Variants in ALG14 observed in about 807,000 individuals in gnomAD.
ALG14 encodes the protein UDP-N-acetylglucosamine transferase subunit ALG14.
A neutral mutation model predicts 22.8 loss-of-function variants in ALG14; 17 were observed. The ratio of observed to expected loss-of-function variants is 0.75; its 90% CI spans 0.51 to 1.12. ALG14 has a LOEUF of 1.12. ALG14 is among the 50% of genes most tolerant of loss of function. ALG14 has a pLI of 0.00. For missense variants in ALG14, 288 were observed against 271.8 expected (o/e 1.06, Z -0.42); for synonymous variants, 89 against 103.7 (o/e 0.86, Z 0.86).
At chr1:95,058,748 CAGA>C (rs1355969231) in intron 2 of ALG14, among the ~76,000 whole-genome samples, 6 of 145,722 alleles carry the variant, frequency 4.1e-5, no homozygotes, top group Admixed American at 2.0e-4. Context: ...AAAATGAAAT[CAGA>C]AGAAGACATG....
At chr1:95,043,376 T>C (rs955892026) in intron 2 of ALG14, among the ~76,000 whole-genome samples, 6 of 152,246 alleles carry the variant, frequency 3.9e-5, no homozygotes, top group Admixed American at 2.6e-4. Context: ...ATCTGGTGGA[T>C]AAAGGCCAGG....
chr1:95,019,902 T>C (rs958273024), intron 3 of ALG14, among the ~76,000 whole-genome samples: 13 of 152,142 alleles, frequency 8.5e-5, no homozygotes, highest in African/African-American at 3.1e-4. Context: ...ACTTCATGTA[T>C]GTTTTACACT....
rs534056536 is a variant in ALG14, at chr1:95,011,629, G to A, written c.420+15500C>T. 3.5e-4 allele frequency among the ~76,000 whole-genome samples: 53 copies of A among 151,814 alleles called. 1 individual carries two copies. The South Asian group carries it at 4.8e-3, about 14-fold the overall frequency. On this transcript the variant is annotated intron_variant, in intron 3 of 3. Coordinates refer to ENST00000370205, the MANE Select transcript of ALG14 (RefSeq NM_144988.4). The stretch of plus-strand genomic sequence containing the variant: ...TTTTTAGTAGAGATGGGGTTTCACC[G>A]TGGCCTCGATCTCCTGACCTTGTGA...
chr1:95,027,291 C>T, intron 2 of ALG14, 31 bp from the exon 3 acceptor site: 1 of 1,609,924 alleles, frequency 6.2e-7, no homozygotes, highest in Non-Finnish European at 8.5e-7. Flanking sequence ...TCCAAATCAA[C>T]TGAGTCACTG....
At chr1:95,005,822 C>T (rs566550415) in intron 3 of ALG14, among the ~76,000 whole-genome samples, 103 of 152,224 alleles carry the variant, frequency 6.8e-4, no homozygotes, top group African/African-American at 2.3e-3. Flanking sequence ...TGGACAGGTG[C>T]CAGGGATATG....
intron 2 of ALG14, among the ~76,000 whole-genome samples, chr1:95,034,880 A>G (rs951328422): frequency 6.6e-6 from 1 of 152,092 alleles, no homozygotes; most frequent in Non-Finnish European, 1.5e-5. Context: ...CTGCCTCTAC[A>G]GGAACTAAGC....
chr1:95,013,494 T>C (rs917014485), intron 3 of ALG14, among the ~76,000 whole-genome samples: 26 of 152,100 alleles, frequency 1.7e-4, no homozygotes, highest in Non-Finnish European at 2.8e-4. Context: ...TAATTTTTTG[T>C]ATTTTTAGTA....
At chr1:95,028,366 C>A (rs899358353) in intron 2 of ALG14, among the ~76,000 whole-genome samples, 2 of 152,174 alleles carry the variant, frequency 1.3e-5, no homozygotes, top group Non-Finnish European at 2.9e-5. Flanking sequence ...CCACCATGTC[C>A]ACCTAATTTT....
At chr1:95,040,695 AT>A (rs751281386) in intron 2 of ALG14, among the ~76,000 whole-genome samples, 30 of 152,032 alleles carry the variant, frequency 2.0e-4, no homozygotes, top group South Asian at 4.2e-4. Flanking sequence ...AAAGGTATAG[AT>A]TTTTTTTTTA....
At chr1:95,044,881 T>TAAAA (rs539634021) in intron 2 of ALG14, among the ~76,000 whole-genome samples, 3,504 of 151,306 alleles carry the variant, frequency 0.023, 49 homozygotes, top group South Asian at 0.076. Context: ...TATTTTTTTT[T>TAAAA]TAAAAAAAGC....
Position 95,001,061 on chromosome 1 carries a change from G to A in ALG14, c.421-17755C>T, listed in dbSNP as rs1477642800. 2.6e-5 allele frequency among the ~76,000 whole-genome samples: 4 copies of A among 152,220 alleles called. No individual in the cohort carries two copies. The East Asian group carries it at 7.7e-4, about 29-fold the overall frequency. On this transcript the variant is annotated intron_variant, in intron 3 of 3. Transcript: ENST00000370205. ...TTGCAATATTTATTTTGCTTACCAT[G>A]GTAATCACTGGTTAAATACAATGCT...
chr1:95,050,852 T>G (rs1035456137), intron 2 of ALG14, among the ~76,000 whole-genome samples: 6 of 149,934 alleles, frequency 4.0e-5, no homozygotes, highest in African/African-American at 1.5e-4. Flanking sequence ...TATCAATCAA[T>G]CCCTGGGTAA....
chr1:95,049,617 T>C (rs548860496), intron 2 of ALG14, among the ~76,000 whole-genome samples: 4 of 152,208 alleles, frequency 2.6e-5, no homozygotes, highest in Admixed American at 2.6e-4. Flanking sequence ...ATGCCTGTAA[T>C]TCCAGCACTT....
intron 2 of ALG14, 88 bp from the exon 3 acceptor site, chr1:95,027,348 A>C (rs1388711572): frequency 6.8e-7 from 1 of 1,472,090 alleles, no homozygotes; most frequent in African/African-American, 1.4e-5. Flanking sequence ...AGAAACAGAA[A>C]TGCTTTCTTT....
chr1:94,991,566 G>C lies in ALG14; in HGVS notation c.421-8260C>G, dbSNP rs971688028. 5.9e-5 allele frequency among the ~76,000 whole-genome samples: 9 copies of C among 152,168 alleles called. No individual in the cohort carries two copies. In the East Asian group the frequency reaches 7.7e-4, roughly 13 times the overall value. ...CTGTATAGGGGACTTATCATGAATG[G>C]AGCTTGTAGGAATGGAAGTTGCTCT... On this transcript the variant is annotated intron_variant, in intron 3 of 3. Transcript: ENST00000370205.
intron 3 of ALG14, among the ~76,000 whole-genome samples, chr1:95,011,355 A>G (rs1205860003): frequency 1.3e-5 from 2 of 152,186 alleles, no homozygotes; most frequent in Non-Finnish European, 2.9e-5. Context: ...GACTCTCACC[A>G]GACATCAAAT....
At chr1:95,065,074 T>C in intron 1 of ALG14, 57 bp from the exon 2 acceptor site, 1 of 1,511,052 alleles carries the variant, frequency 6.6e-7, no homozygotes, top group East Asian at 2.4e-5. Flanking sequence ...CATATCCATT[T>C]GACCATGTTA....
chr1:95,064,886 C>CA lies in ALG14; in HGVS notation c.267dup (p.Asp90Ter). ...CTTACCATGTTACTAGGGTCTCTATCAGCTCGATCTAGTTCAAAAGAATTT... is the reference window on the plus strand; with the variant it reads ...CTTACCATGTTACTAGGGTCTCTATCAAGCTCGATCTAGTTCAAAAGAATTT... On this transcript the variant is annotated frameshift_variant, in exon 2 of 4. Transcript: ENST00000370205. LOFTEE classifies it high-confidence loss of function. 1 of 1,613,306 alleles carries CA rather than the reference C, an allele frequency of 6.2e-7. No homozygotes were observed. The highest frequency in any genetic ancestry group is 8.5e-7 in the Non-Finnish European group (1 of 1,179,528).
intron 3 of ALG14, among the ~76,000 whole-genome samples, chr1:94,984,530 G>A (rs1296257627): frequency 6.6e-6 from 1 of 152,168 alleles, no homozygotes; most frequent in Non-Finnish European, 1.5e-5. Context: ...TGTTTTAGAT[G>A]AGACCAATCT....
Sources: allele counts gnomAD v4.1 joint callset (sites outside exome capture counted in the v4.1 genomes callset), GRCh38; gene constraint gnomAD v4.1.1; transcripts MANE v1.5; gene names NCBI Gene and HGNC (gene_info 2026-07-23, HGNC 2026-07-21).